Variants in PNN observed in about 807,000 individuals in gnomAD.
The protein encoded by PNN is pinin, desmosome associated protein, also known as pinin.
Under a neutral mutation model 76.6 loss-of-function variants are expected in PNN, and 38 were observed. The ratio of observed to expected loss-of-function variants is 0.50; its 90% CI spans 0.38 to 0.65. The LOEUF (loss-of-function observed/expected upper bound fraction) is 0.65. PNN is among the 30% of genes least tolerant of loss of function. The pLI is 0.00. For missense variants in PNN, 873 were observed against 874.1 expected (o/e 1.00, Z 0.02); for synonymous variants, 366 against 283.7 (o/e 1.29, Z -2.91).
chr14:39,181,318 C>T lies in PNN; in HGVS notation c.1609C>T (p.Leu537Phe), dbSNP rs2053268086. The T allele has an allele frequency of 6.2e-7, 1 of 1,614,142 alleles. No individual in the cohort carries two copies. Among genetic ancestry groups the T allele is most frequent in the Non-Finnish European group, 8.5e-7 (1 of 1,179,976 alleles). ...RKDFPVESVK[L>F]TEVPVEPVLT... is the part of the protein sequence containing the mutation. The stretch of plus-strand genomic sequence containing the variant: ...GGATTTTCCTGTAGAGTCTGTAAAA[C>T]TCACTGAGGTACCAGTAGAGCCAGT... The change falls in exon 9 of 9, where the codon CTC becomes TTC. Residue 537 changes from leucine to phenylalanine, a missense_variant. Leu to Phe is a conservative substitution (Grantham distance 22). Transcript: ENST00000216832.
chr14:39,175,854 G>A, intron 1 of PNN: 1 of 536,108 alleles, frequency 1.9e-6, no homozygotes, highest in Non-Finnish European at 3.3e-6. Flanking sequence ...TAATGTGTGG[G>A]GGCATCGAGG....
In PNN at chr14:39,181,964, CA is replaced by C. The variant is rs2053273915; in HGVS notation, c.*102del. 1.7e-6 allele frequency: 2 copies of C among 1,205,388 alleles called. No homozygotes were observed. The highest frequency in any genetic ancestry group is 2.3e-6 in the Non-Finnish European group (2 of 884,956). The allele number at this position is 1,205,388 out of a possible 1,614,324, so 74.7% of individuals were successfully genotyped here. ...AAAGAGGATGCTGCCTTAAGAATTGCATGTTGTAAAAAATCTTTTTGGAAAA... is the reference window on the plus strand; with the variant it reads ...AAAGAGGATGCTGCCTTAAGAATTGCTGTTGTAAAAAATCTTTTTGGAAAA... On this transcript the variant is annotated 3_prime_UTR_variant, in exon 9 of 9. Transcript: ENST00000216832.
In PNN at chr14:39,180,941, T is replaced by C. The variant is rs1224433071; in HGVS notation, c.1232T>C (p.Val411Ala). Residue 411 changes from valine (V) to alanine (A), a missense_variant, in exon 9 of 9, where the codon GTT (valine) becomes GCT (alanine). By Grantham distance (64) the Val-to-Ala change is moderately conservative (BLOSUM62 0). This residue lies in a region of PNN where 712 missense variants were observed against 693.1 expected (regional missense o/e 1.03). Coordinates refer to ENST00000216832, the MANE Select transcript of PNN (RefSeq NM_002687.4). Reference protein sequence around the residue: ...ADQEVMETNRVESVEPSENEA... With the variant: ...ADQEVMETNRAESVEPSENEA... ...CAGGAGGTAATGGAAACTAATCGAG[T>C]TGAAAGTGTAGAACCTTCAGAAAAT... is the stretch of plus-strand genomic sequence containing the variant. 3.7e-6 allele frequency: 6 copies of C among 1,613,870 alleles called. No homozygotes were observed. The Admixed American group carries it at 6.7e-5, about 18-fold the overall frequency.
rs865904164 is a variant in PNN at position 39,178,731 on chromosome 14, A to G, written c.499-360A>G. Among the ~76,000 whole-genome samples the G allele has an allele frequency of 7.1e-3, 1,062 of 149,570 alleles. 15 individuals carry two copies. The highest frequency in any genetic ancestry group is 0.026 in the African/African-American group (1,014 of 39,754). On this transcript the variant is annotated intron_variant, in intron 6 of 8. Coordinates refer to ENST00000216832, the MANE Select transcript of PNN (RefSeq NM_002687.4). ...CAGATACCTTTACATAGTGAAAAAA[A>G]AAAAAAAAAAAAAAATTTTTTTTGA... is the stretch of plus-strand genomic sequence containing the variant.
In PNN at chr14:39,181,743, A is replaced by G. The variant is rs1405859409; in HGVS notation, c.2034A>G (p.Ser678=). Reference sequence around the variant, plus strand: ...GTAGTAGTAGAGATACAAAAGGATCAAAGGATAAGAATTCCCGGTCCGACA... The same window carrying G: ...GTAGTAGTAGAGATACAAAAGGATCGAAGGATAAGAATTCCCGGTCCGACA... ...KGGSSRDTKG[S]KDKNSRSDRK... is the part of the protein sequence containing the mutation. The change falls in exon 9 of 9, where the codon TCA becomes TCG. Residue 678 remains serine (S), a synonymous_variant. Transcript: ENST00000216832. 6.2e-7 allele frequency: 1 copy of G among 1,614,174 alleles called. No individual in the cohort carries two copies. The highest frequency in any genetic ancestry group is 1.1e-5 in the South Asian group (1 of 91,086).
chr14:39,176,910 A>G (rs2053230750), intron 3 of PNN, among the ~76,000 whole-genome samples: 2 of 152,224 alleles, frequency 1.3e-5, no homozygotes, highest in Non-Finnish European at 2.9e-5. Context: ...AAATACTTAG[A>G]AAATACAGGA....
Position 39,177,405 on chromosome 14 carries a change from A to G in PNN, c.255-7A>G, listed in dbSNP as rs754129936. On this transcript the variant is annotated splice_polypyrimidine_tract_variant and splice_region_variant and intron_variant, in intron 3 of 8. Transcript: ENST00000216832. ...TGTCTCAAAAAAATTAATATTTTCT[A>G]TGACAGGCTGGGCGGGGAGCGTCGG... The G allele has an allele frequency of 1.6e-5, 25 of 1,612,354 alleles. No homozygotes were observed. Among genetic ancestry groups the G allele is most frequent in the East Asian group, 1.3e-4 (6 of 44,874 alleles).
intron 8 of PNN, 99 bp from the exon 9 acceptor site, chr14:39,180,398 ACAAATT>A: frequency 7.9e-7 from 1 of 1,259,174 alleles, no homozygotes; most frequent in Non-Finnish European, 1.1e-6. Flanking sequence ...CTTTACAAAA[ACAAATT>A]CAGATGAAGC....
chr14:39,175,766 C>G (rs577707829), intron 1 of PNN: 3 of 471,026 alleles, frequency 6.4e-6, no homozygotes, highest in African/African-American at 4.1e-5. Flanking sequence ...CGGGACGCAA[C>G]AAGCCGCCTT....
intron 2 of PNN, 160 bp downstream of exon 2, chr14:39,176,309 C>A (rs995272271): frequency 1.6e-6 from 1 of 629,754 alleles, no homozygotes; most frequent in Non-Finnish European, 2.8e-6. Context: ...ATATAGTTAT[C>A]CTGAAAAACT....
In PNN at chr14:39,177,845, C is replaced by A; in HGVS notation, c.427C>A (p.Arg143=). Residue 143 remains arginine, a synonymous_variant, in exon 6 of 9, where the codon CGG becomes AGG. Coordinates refer to ENST00000216832, the MANE Select transcript of PNN (RefSeq NM_002687.4). Reference sequence around the variant, plus strand: ...TTTTCTTATTCTGTTCTTTAGGAACCGGCGAATATTTGGCTTGTTGATGGG... The same window carrying A: ...TTTTCTTATTCTGTTCTTTAGGAACAGGCGAATATTTGGCTTGTTGATGGG... ...NMDEKGKQRN[R]RIFGLLMGTL... 1.2e-6 allele frequency: 2 copies of A among 1,608,426 alleles called. No individual in the cohort carries two copies. The highest frequency in any genetic ancestry group is 1.7e-6 in the Non-Finnish European group (2 of 1,175,388).
In PNN at chr14:39,182,512, A is replaced by G. The variant is rs187275749; in HGVS notation, c.*649A>G. The G allele has an allele frequency of 2.2e-4, 33 of 152,700 alleles. No individual in the cohort carries two copies. Among genetic ancestry groups the G allele is most frequent in the African/African-American group, 7.7e-4 (32 of 41,554 alleles). 9.5% of individuals were successfully genotyped at this position (152,700 alleles called of 1,614,324 possible). A position where few individuals can be genotyped will look rare whatever the true frequency, so the allele number is the denominator to read the frequency against. On this transcript the variant is annotated 3_prime_UTR_variant, in exon 9 of 9. Transcript: ENST00000216832. ...CCCCCGTTTCTCATATTTTAACCAT[A>G]TGTTCGGTAGATAACTAAACAGTAT...
chr14:39,180,786 A>G lies in PNN; in HGVS notation c.1077A>G (p.Lys359=). 6.2e-7 allele frequency: 1 copy of G among 1,610,756 alleles called. No homozygotes were observed. Among genetic ancestry groups the G allele is most frequent in the Non-Finnish European group, 8.5e-7 (1 of 1,178,132 alleles). The change falls in exon 9 of 9, where the codon AAA becomes AAG. Residue 359 remains lysine, a synonymous_variant. Transcript: ENST00000216832. ...AEKEQEEEEQ[K]QEMEVKMEEE... Reference sequence around the variant, plus strand: ...AAGAACAGGAGGAGGAAGAACAAAAACAGGAAATGGAGGTTAAGATGGAGG... The same window carrying G: ...AAGAACAGGAGGAGGAAGAACAAAAGCAGGAAATGGAGGTTAAGATGGAGG...
Position 39,181,915 on chromosome 14 carries a change from T to C in PNN, c.*52T>C, listed in dbSNP as rs934698905. ...TTCTTTGCAGCAGAAGATTTCTTGA[T>C]AAAAAAGGATTACCTTTCCTTGTAA... On this transcript the variant is annotated 3_prime_UTR_variant, in exon 9 of 9. Transcript: ENST00000216832. 1.3e-6 allele frequency: 2 copies of C among 1,498,834 alleles called. No individual in the cohort carries two copies. The highest frequency in any genetic ancestry group is 1.4e-5 in the African/African-American group (1 of 71,452). The allele number at this position is 1,498,834 out of a possible 1,614,324, so 92.8% of individuals were successfully genotyped here.
intron 1 of PNN, chr14:39,175,679 G>T: frequency 2.0e-6 from 1 of 487,996 alleles, no homozygotes; most frequent in Non-Finnish European, 3.6e-6. Context: ...TCTCGGCCCT[G>T]CAGGCCCGGA....
At chr14:39,175,528 A>C in intron 1 of PNN, 136 bp downstream of exon 1, 1 of 670,174 alleles carries the variant, frequency 1.5e-6, no homozygotes, top group East Asian at 2.8e-5. Flanking sequence ...GGCGGGTAAA[A>C]CCCTGTTGTC....
At chr14:39,175,978 T>C (rs959879585) in intron 1 of PNN, 100 bp from the exon 2 acceptor site, 1 of 680,428 alleles carries the variant, frequency 1.5e-6, no homozygotes, top group Non-Finnish European at 2.7e-6. Flanking sequence ...TTTGGAACTT[T>C]TGTGATTTTT....
rs1216322983 is a variant in PNN at position 39,177,398 on chromosome 14, A to G, written c.255-14A>G. 2 of 1,610,892 alleles carry G rather than the reference A, an allele frequency of 1.2e-6. No homozygotes were observed. The highest frequency in any genetic ancestry group is 2.7e-5 in the African/African-American group (2 of 74,790). The stretch of plus-strand genomic sequence containing the variant: ...GAAACCCTGTCTCAAAAAAATTAAT[A>G]TTTTCTATGACAGGCTGGGCGGGGA... On this transcript the variant is annotated splice_polypyrimidine_tract_variant and intron_variant, in intron 3 of 8. Coordinates refer to ENST00000216832, the MANE Select transcript of PNN (RefSeq NM_002687.4).
chr14:39,179,424 C>T lies in PNN; in HGVS notation c.755C>T (p.Thr252Ile), dbSNP rs1288963972. 6.2e-7 allele frequency: 1 copy of T among 1,613,094 alleles called. No individual in the cohort carries two copies. Among genetic ancestry groups the T allele is most frequent in the Non-Finnish European group, 8.5e-7 (1 of 1,179,384 alleles). Residue 252 changes from threonine (T) to isoleucine (I), a missense_variant, in exon 8 of 9, where the codon ACC becomes ATC. Thr to Ile is a moderately conservative substitution (Grantham distance 89). Coordinates refer to ENST00000216832, the MANE Select transcript of PNN (RefSeq NM_002687.4). ...ATTCCTGGAAGAATGTGTCCAGCTA[C>T]CCAAAAACTAATAGAAGAGTCACAG... is the stretch of plus-strand genomic sequence containing the variant. ...FYIPGRMCPA[T>I]QKLIEESQRK...
Sources: allele counts gnomAD v4.1 joint callset (sites outside exome capture counted in the v4.1 genomes callset), GRCh38; gene constraint gnomAD v4.1.1; regional missense constraint gnomAD v4.1.1; transcripts MANE v1.5; gene names NCBI Gene and HGNC (gene_info 2026-07-23, HGNC 2026-07-21).